The following ADAMTS19 variants were observed in gnomAD, a reference collection of about 807,000 sequenced individuals.
The protein encoded by ADAMTS19 is A disintegrin and metalloproteinase with thrombospondin motifs 19.
In ADAMTS19, 93 loss-of-function variants were observed where a neutral mutation model predicts 153.3. The observed-to-expected ratio is 0.61, with a 90% CI of 0.51 to 0.72. The LOEUF is 0.72. Among genes scored for constraint, ADAMTS19 ranks in the 30% least tolerant of loss-of-function variants. ADAMTS19 has a pLI of 0.00. For synonymous variants in ADAMTS19, 600 were observed against 556.6 expected (o/e 1.08, Z -1.10); for missense variants, 1,482 against 1,552.1 (o/e 0.95, Z 0.76).
intron 17 of ADAMTS19, among the ~76,000 whole-genome samples, chr5:129,680,701 G>A (rs916911694): frequency 2.0e-5 from 3 of 151,266 alleles, no homozygotes; most frequent in Admixed American, 6.6e-5. Flanking sequence ...GGCGGAGGTT[G>A]CAGTGAGCAG....
chr5:129,699,152 T>C (rs1383766579), intron 19 of ADAMTS19, among the ~76,000 whole-genome samples: 2 of 152,188 alleles, frequency 1.3e-5, no homozygotes, highest in Non-Finnish European at 2.9e-5. Flanking sequence ...CCAGGCACAA[T>C]GGCTCATGCC....
At chr5:129,563,490 T>G (rs1282579316) in intron 7 of ADAMTS19, among the ~76,000 whole-genome samples, 1 of 152,134 alleles carries the variant, frequency 6.6e-6, no homozygotes, top group African/African-American at 2.4e-5. Context: ...CATTGGGGAT[T>G]TATATATTCA....
intron 2 of ADAMTS19, among the ~76,000 whole-genome samples, chr5:129,488,058 T>C (rs534785472): frequency 4.6e-5 from 7 of 152,202 alleles, no homozygotes; most frequent in African/African-American, 1.7e-4. Context: ...GGTACGATTT[T>C]ATCTCTCTGG....
chr5:129,501,575 C>G (rs1451490735), intron 2 of ADAMTS19, among the ~76,000 whole-genome samples: 2 of 152,004 alleles, frequency 1.3e-5, no homozygotes, highest in Non-Finnish European at 2.9e-5. Context: ...CAGGCCTACC[C>G]TTTTGCAGAA....
intron 8 of ADAMTS19, among the ~76,000 whole-genome samples, chr5:129,611,034 TG>T: frequency 6.6e-6 from 1 of 152,210 alleles, no homozygotes; most frequent in Non-Finnish European, 1.5e-5. Context: ...ATTTGTCTGA[TG>T]GCCAGTGATG....
intron 2 of ADAMTS19, among the ~76,000 whole-genome samples, chr5:129,474,629 A>C (rs1269275554): frequency 6.6e-6 from 1 of 152,130 alleles, no homozygotes; most frequent in Non-Finnish European, 1.5e-5. Flanking sequence ...ACATTTACAG[A>C]ATTGTGCAAC....
intron 2 of ADAMTS19, among the ~76,000 whole-genome samples, chr5:129,496,023 T>C (rs1468152661): frequency 6.6e-6 from 1 of 152,120 alleles, no homozygotes; most frequent in Non-Finnish European, 1.5e-5. Context: ...TCTCCTTTCA[T>C]AGCTACATTT....
At chr5:129,532,316 C>T (rs1373405403) in intron 6 of ADAMTS19, among the ~76,000 whole-genome samples, 3 of 151,978 alleles carry the variant, frequency 2.0e-5, no homozygotes, top group African/African-American at 7.2e-5. Flanking sequence ...ACATGTTAAC[C>T]TTTTAAAAAT....
intron 5 of ADAMTS19, among the ~76,000 whole-genome samples, 186 bp downstream of exon 5, chr5:129,528,017 T>A (rs548590476): frequency 6.6e-6 from 1 of 152,096 alleles, no homozygotes; most frequent in East Asian, 1.9e-4. Flanking sequence ...AAATAAGATG[T>A]CGTTAGTTTC....
intron 9 of ADAMTS19, 39 bp from the exon 10 acceptor site, chr5:129,622,159 A>G: frequency 6.2e-7 from 1 of 1,611,414 alleles, no homozygotes; most frequent in Non-Finnish European, 8.5e-7. Flanking sequence ...AGCTTTTTAC[A>G]TTAAATTCAA....
intron 7 of ADAMTS19, among the ~76,000 whole-genome samples, chr5:129,571,824 C>A (rs1440791389): frequency 1.3e-5 from 2 of 151,282 alleles, no homozygotes; most frequent in East Asian, 3.9e-4. Flanking sequence ...AATCAATGGA[C>A]CAAAATAGAG....
intron 6 of ADAMTS19, among the ~76,000 whole-genome samples, chr5:129,545,487 G>A (rs575454279): frequency 2.6e-4 from 39 of 152,280 alleles, no homozygotes; most frequent in African/African-American, 9.4e-4. Context: ...ATGTCGGAGG[G>A]ATTAACTAAA....
At chr5:129,695,157 C>T (rs1210303737) in intron 19 of ADAMTS19, among the ~76,000 whole-genome samples, 2 of 152,122 alleles carry the variant, frequency 1.3e-5, no homozygotes, top group Non-Finnish European at 2.9e-5. Context: ...TTTGGTGGAA[C>T]ATAGCTGTTT....
chr5:129,534,916 C>T (rs1011845827), intron 6 of ADAMTS19, among the ~76,000 whole-genome samples: 15 of 152,148 alleles, frequency 9.9e-5, no homozygotes, highest in South Asian at 2.1e-4. Context: ...ATTGATGGGG[C>T]GTATATCAAA....
At chr5:129,730,389 T>C (rs866825150) in intron 21 of ADAMTS19, among the ~76,000 whole-genome samples, 47 of 152,264 alleles carry the variant, frequency 3.1e-4, no homozygotes, top group African/African-American at 1.1e-3. Flanking sequence ...TGCAGAAATA[T>C]ATACAGAGTA....
intron 17 of ADAMTS19, among the ~76,000 whole-genome samples, chr5:129,680,497 G>A (rs140849317): frequency 0.018 from 2,763 of 152,160 alleles, 77 homozygotes; most frequent in African/African-American, 0.062. Context: ...GGTGGCTCAC[G>A]CCTGTAATCC....
intron 7 of ADAMTS19, among the ~76,000 whole-genome samples, chr5:129,555,510 C>A (rs1397211880): frequency 6.6e-6 from 1 of 152,098 alleles, no homozygotes; most frequent in Non-Finnish European, 1.5e-5. Flanking sequence ...CAGGGCTATG[C>A]TACTTATTGA....
Position 129,515,269 on chromosome 5 carries a change from T to C in ADAMTS19, c.913+6027T>C, listed in dbSNP as rs137863536. 4.4e-3 allele frequency among the ~76,000 whole-genome samples: 665 copies of C among 152,028 alleles called. 6 individuals carry two copies. The highest frequency in any genetic ancestry group is 0.014 in the African/African-American group (571 of 41,536). On this transcript the variant is annotated intron_variant, in intron 3 of 22. Transcript: ENST00000274487. ...TTTGCCGAGGATAGCTTTGTCTGTT[T>C]GGGGTCTTTTAGTGATTCCATATAA... is the stretch of plus-strand genomic sequence containing the variant.
intron 21 of ADAMTS19, among the ~76,000 whole-genome samples, chr5:129,726,922 C>A (rs972777198): frequency 2.0e-5 from 3 of 152,038 alleles, no homozygotes; most frequent in African/African-American, 7.2e-5. Flanking sequence ...TACCCTCTCC[C>A]CCATTAAGAT....
Sources: allele counts gnomAD v4.1 joint callset (sites outside exome capture counted in the v4.1 genomes callset), GRCh38; gene constraint gnomAD v4.1.1; transcripts MANE v1.5; gene names NCBI Gene and HGNC (gene_info 2026-07-23, HGNC 2026-07-21).